Variants in SH3RF3 observed in about 807,000 individuals in gnomAD.
The protein encoded by SH3RF3 is E3 ubiquitin-protein ligase SH3RF3.
SH3RF3 carries 29 observed loss-of-function variants against 66.3 expected under a neutral mutation model. That is an observed-to-expected ratio of 0.44 (90% CI 0.33 to 0.60). The LOEUF is 0.60. SH3RF3 is among the 20% of genes least tolerant of loss of function. The probability of loss-of-function intolerance (pLI) is 0.04; values close to 1 mark genes in which losing one functional copy is unlikely to be tolerated. For synonymous variants in SH3RF3, 583 were observed against 532.0 expected (o/e 1.10, Z -1.32); for missense variants, 1,194 against 1,190.9 (o/e 1.00, Z -0.04).
intron 1 of SH3RF3, among the ~76,000 whole-genome samples, chr2:109,210,183 C>A (rs1242245889): frequency 2.6e-5 from 4 of 152,208 alleles, no homozygotes; most frequent in Non-Finnish European, 1.5e-5. Context: ...GGCTAGACCA[C>A]ATTTTGTGTA....
At chr2:109,372,303 T>C (rs1394599065) in intron 3 of SH3RF3, among the ~76,000 whole-genome samples, 1 of 152,214 alleles carries the variant, frequency 6.6e-6, no homozygotes, top group East Asian at 1.9e-4. Flanking sequence ...TCTTAACACG[T>C]GTGTCTTTAA....
intron 1 of SH3RF3, among the ~76,000 whole-genome samples, chr2:109,167,421 T>C (rs1677654741): frequency 6.6e-6 from 1 of 152,216 alleles, no homozygotes; most frequent in Non-Finnish European, 1.5e-5. Context: ...TGAAGGTTTA[T>C]ATCCTGGCAA....
chr2:109,276,661 A>G (rs1434361283), intron 1 of SH3RF3, among the ~76,000 whole-genome samples: 1 of 152,178 alleles, frequency 6.6e-6, no homozygotes, highest in Non-Finnish European at 1.5e-5. Flanking sequence ...CTGAACTGTT[A>G]CCAGACAAAT....
intron 8 of SH3RF3, among the ~76,000 whole-genome samples, chr2:109,487,066 G>A (rs1319114136): frequency 1.3e-5 from 2 of 152,180 alleles, no homozygotes; most frequent in African/African-American, 4.8e-5. Flanking sequence ...GGGAACGTTT[G>A]CAGAAGAAGG....
At chr2:109,440,354 C>T (rs893824711) in intron 7 of SH3RF3, among the ~76,000 whole-genome samples, 12 of 152,090 alleles carry the variant, frequency 7.9e-5, no homozygotes, top group African/African-American at 2.2e-4. Flanking sequence ...GGATAGGGTG[C>T]GGGAGCAAAG....
At chr2:109,417,023 A>T (rs1320585114) in intron 4 of SH3RF3, among the ~76,000 whole-genome samples, 3 of 152,044 alleles carry the variant, frequency 2.0e-5, no homozygotes, top group Non-Finnish European at 4.4e-5. Flanking sequence ...TCCGACTGCC[A>T]GGTCATCGAG....
intron 8 of SH3RF3, among the ~76,000 whole-genome samples, chr2:109,468,859 A>AAAAAAG (rs1309780280): frequency 6.6e-6 from 1 of 150,446 alleles, no homozygotes; most frequent in Non-Finnish European, 1.5e-5. Context: ...GTCTCAGAAA[A>AAAAAAG]AAAAAAAAAA....
chr2:109,382,827 T>C (rs950199375), intron 3 of SH3RF3, among the ~76,000 whole-genome samples: 4 of 152,234 alleles, frequency 2.6e-5, no homozygotes, highest in African/African-American at 9.6e-5. Context: ...TCAGGATTCC[T>C]AGTGCAGAGA....
chr2:109,474,898 C>A (rs1678639955), intron 8 of SH3RF3, among the ~76,000 whole-genome samples: 1 of 152,252 alleles, frequency 6.6e-6, no homozygotes, highest in East Asian at 1.9e-4. Context: ...AAGGGCAGCA[C>A]CCCTCCCTGA....
chr2:109,335,179 C>G (rs935253032), intron 1 of SH3RF3, among the ~76,000 whole-genome samples: 3 of 152,252 alleles, frequency 2.0e-5, no homozygotes, highest in African/African-American at 7.2e-5. Flanking sequence ...CTGTTCCTTG[C>G]GCCTGATCTA....
intron 7 of SH3RF3, among the ~76,000 whole-genome samples, chr2:109,443,967 A>G (rs1221800211): frequency 1.5e-4 from 23 of 152,244 alleles, no homozygotes; most frequent in Admixed American, 1.5e-3. Context: ...CAGAACATTT[A>G]CTGAGATAGA....
intron 8 of SH3RF3, among the ~76,000 whole-genome samples, chr2:109,488,748 G>A (rs1244798197): frequency 1.3e-5 from 2 of 152,196 alleles, no homozygotes; most frequent in Non-Finnish European, 2.9e-5. Flanking sequence ...GCACATGAAG[G>A]GCTGCAACGA....
Position 109,449,353 on chromosome 2 carries a change from C to T in SH3RF3, c.2012C>T (p.Ala671Val). Reference protein sequence around the residue: ...CPRPAIPLTSAASAITPPNVS... With the variant: ...CPRPAIPLTSVASAITPPNVS... ...CGGCCGGCCATCCCCCTCACATCAG[C>T]AGCATCAGCCATCACACCTCCCAAC... The change falls in exon 8 of 10, where the codon GCA (alanine) becomes GTA (valine). Residue 671 changes from alanine (A) to valine (V), a missense_variant. Coordinates refer to ENST00000309415, the MANE Select transcript of SH3RF3 (RefSeq NM_001099289.3). 1 of 1,607,854 alleles carries T rather than the reference C, an allele frequency of 6.2e-7. No individual in the cohort carries two copies. The highest frequency in any genetic ancestry group is 1.1e-5 in the South Asian group (1 of 89,970).
intron 8 of SH3RF3, among the ~76,000 whole-genome samples, chr2:109,475,136 C>T (rs1462301325): frequency 6.6e-6 from 1 of 152,150 alleles, no homozygotes; most frequent in Non-Finnish European, 1.5e-5. Context: ...CACCACCACG[C>T]CCAGCTAATT....
chr2:109,449,221 C>T lies in SH3RF3; in HGVS notation c.1880C>T (p.Pro627Leu), dbSNP rs1332684335. ...AQDRPTATVS[P>L]LRTQNSPSRL... is the part of the protein sequence containing the mutation. ...GACCGGCCAACTGCCACCGTGTCAC[C>T]CCTGCGCACCCAGAACTCTCCATCC... Residue 627 changes from proline to leucine, a missense_variant, in exon 8 of 10, where the codon CCC becomes CTC. Physicochemically the swap from Pro to Leu is moderately conservative, Grantham distance 98 (BLOSUM62 -3). Transcript: ENST00000309415. 6 of 1,613,486 alleles carry T rather than the reference C, an allele frequency of 3.7e-6. No homozygotes were observed. The highest frequency in any genetic ancestry group is 1.7e-6 in the Non-Finnish European group (2 of 1,179,828).
intron 1 of SH3RF3, among the ~76,000 whole-genome samples, chr2:109,163,525 A>G (rs1677542171): frequency 7.1e-6 from 1 of 141,476 alleles, no homozygotes; most frequent in Admixed American, 7.5e-5. Context: ...CAGCCTCCCA[A>G]GTAGCTGGGA....
Position 109,193,858 on chromosome 2 carries a change from A to T in SH3RF3, c.573+63745A>T, listed in dbSNP as rs569103870. On this transcript the variant is annotated intron_variant, in intron 1 of 9. Transcript: ENST00000309415. ...ATTTAAGTCTCGTCTAGCCCCGGGG[A>T]TGGGTTTTCTGATAATCTCCGTTTA... Among the ~76,000 whole-genome samples the T allele has an allele frequency of 3.3e-4, 50 of 152,196 alleles. 1 individual carries two copies. In the South Asian group the frequency reaches 8.7e-3, roughly 27 times the overall value.
At chr2:109,391,073 C>T (rs571430704) in intron 3 of SH3RF3, among the ~76,000 whole-genome samples, 60 of 152,320 alleles carry the variant, frequency 3.9e-4, no homozygotes, top group African/African-American at 1.4e-3. Flanking sequence ...GGGTTTTGTC[C>T]AGTCCATAAG....
At chr2:109,287,203 T>C (rs1681048328) in intron 1 of SH3RF3, among the ~76,000 whole-genome samples, 1 of 152,212 alleles carries the variant, frequency 6.6e-6, no homozygotes, top group South Asian at 2.1e-4. Flanking sequence ...ATTTGCATTT[T>C]AAATTTTTCC....
Sources: gnomAD v4.1 joint callset for allele counts (sites outside exome capture counted in the v4.1 genomes callset) on GRCh38, gnomAD v4.1.1 for gene constraint, MANE v1.5 for transcripts, NCBI Gene and HGNC (gene_info 2026-07-23, HGNC 2026-07-21) for gene names.